The following PCSK9 variants were observed in gnomAD, a reference collection of about 807,000 sequenced individuals.
PCSK9 encodes convertase subtilisin/kexin type 9 preproprotein.
PCSK9 carries 57 observed loss-of-function variants against 62.1 expected under a neutral mutation model. The observed-to-expected ratio is 0.92, with a 90% CI of 0.74 to 1.14. The LOEUF (loss-of-function observed/expected upper bound fraction) is 1.14, where lower values mean the gene tolerates loss of function less well. PCSK9 is among the 50% of genes most tolerant of loss of function. PCSK9 has a pLI of 0.00. For synonymous variants in PCSK9, 387 were observed against 409.4 expected (o/e 0.95, Z 0.66); for missense variants, 870 against 959.8 (o/e 0.91, Z 1.24).
chr1:55,046,640 C>T lies in PCSK9; in HGVS notation c.517C>T (p.Pro173Ser), dbSNP rs1346692733. The T allele has an allele frequency of 5.6e-6, 9 of 1,613,736 alleles. No homozygotes were observed. The highest frequency in any genetic ancestry group is 2.2e-5 in the East Asian group (1 of 44,854). ...PPRYRADEYQ[P>S]PDGGSLVEVY... ...ACGGTACCGGGCGGATGAATACCAG[C>T]CCCCCGGTAAGACCCCCATCTGTGC... The change falls in exon 3 of 12, where the codon CCC becomes TCC. Residue 173 changes from proline (P) to serine (S), a missense_variant. Pro to Ser is a moderately conservative substitution (Grantham distance 74). Coordinates refer to ENST00000302118, the MANE Select transcript of PCSK9 (RefSeq NM_174936.4).
intron 6 of PCSK9, among the ~76,000 whole-genome samples, chr1:55,057,025 T>TC (rs1312399756): frequency 1.3e-5 from 2 of 151,456 alleles, no homozygotes; most frequent in East Asian, 2.0e-4. Flanking sequence ...CCTCTCAGTT[T>TC]CCCCCCGTGG....
rs200551844 is a variant in PCSK9, at chr1:55,055,976, G to A, written c.800-17G>A. ...GCAGGTCTCCCCAAGGGGTGACCTT[G>A]GCTTTGTTCCTCCCAGGCCTGGAGT... On this transcript the variant is annotated splice_polypyrimidine_tract_variant and intron_variant, in intron 5 of 11. Coordinates refer to ENST00000302118, the MANE Select transcript of PCSK9 (RefSeq NM_174936.4). 1.0e-5 allele frequency: 16 copies of A among 1,598,780 alleles called. No individual in the cohort carries two copies. The Admixed American group carries it at 2.7e-4, about 27-fold the overall frequency.
chr1:55,053,917 C>T (rs1054646301), intron 5 of PCSK9, among the ~76,000 whole-genome samples: 2 of 152,176 alleles, frequency 1.3e-5, no homozygotes, highest in African/African-American at 4.8e-5. Context: ...GGAGAAGTCC[C>T]TTCTTTGGGG....
intron 10 of PCSK9, among the ~76,000 whole-genome samples, chr1:55,060,336 G>A (rs1195453172): frequency 6.6e-6 from 1 of 152,212 alleles, no homozygotes; most frequent in African/African-American, 2.4e-5. Flanking sequence ...GGTGGAGCAT[G>A]AGAGGTCTGG....
chr1:55,040,645 C>T lies in PCSK9; in HGVS notation c.207+601C>T, dbSNP rs145022773. Reference sequence around the variant, plus strand: ...GCTCTAGTATTCCATCTGTTTCAGCCGAAGAAAAGAACCAGCTGAAGGGGC... The same window carrying T: ...GCTCTAGTATTCCATCTGTTTCAGCTGAAGAAAAGAACCAGCTGAAGGGGC... On this transcript the variant is annotated intron_variant, in intron 1 of 11. Coordinates refer to ENST00000302118, the MANE Select transcript of PCSK9 (RefSeq NM_174936.4). This position sits in a 1 kb window ranked among gnomAD's most constrained non-coding sequence, Gnocchi z 4.1. Among the ~76,000 whole-genome samples, 11 of 152,172 alleles carry T rather than the reference C, an allele frequency of 7.2e-5. No individual in the cohort carries two copies. The East Asian group carries it at 1.4e-3, about 19-fold the overall frequency.
rs1277680499 is a variant in PCSK9, at chr1:55,059,654, G to A, written c.1672G>A (p.Val558Ile). ...TRVHCHQQGH[V>I]LTGCSSHWEV... is the part of the protein sequence containing the mutation. ...TGTCCACTGCCACCAACAGGGCCAC[G>A]TCCTCACAGGTAGGAGGCTGGGCTT... The change falls in exon 10 of 12, where the codon GTC (valine) becomes ATC (isoleucine). Residue 558 changes from valine (V) to isoleucine (I), a missense_variant. Transcript: ENST00000302118. 6.4e-6 allele frequency: 10 copies of A among 1,550,620 alleles called. No homozygotes were observed. The highest frequency in any genetic ancestry group is 2.0e-5 in the Admixed American group (1 of 51,030).
chr1:55,051,413 T>C, intron 3 of PCSK9: 1 of 337,560 alleles, frequency 3.0e-6, no homozygotes, highest in Non-Finnish European at 5.8e-6. Flanking sequence ...AGTCTTCCTT[T>C]GGCCTGGCTG....
chr1:55,051,284 T>A, intron 3 of PCSK9: 1 of 449,340 alleles, frequency 2.2e-6, no homozygotes, highest in South Asian at 1.6e-5. Context: ...GCAGTTTGAC[T>A]GACAGCCCAG....
intron 4 of PCSK9, 104 bp from the exon 5 acceptor site, chr1:55,052,546 T>C: frequency 6.2e-7 from 1 of 1,602,990 alleles, no homozygotes; most frequent in Non-Finnish European, 8.5e-7. Flanking sequence ...GTCCCCTCCC[T>C]GCCATCAGTT....
At position 55,056,052 on chromosome 1, in the gene PCSK9, C is replaced by A; in HGVS notation, c.859C>A (p.Leu287Met). 6.2e-7 allele frequency: 1 copy of A among 1,608,218 alleles called. No homozygotes were observed. The highest frequency in any genetic ancestry group is 8.5e-7 in the Non-Finnish European group (1 of 1,176,460). Residue 287 changes from leucine to methionine, a missense_variant, in exon 6 of 12, where the codon CTG becomes ATG. Transcript: ENST00000302118. ...VQPVGPLVVL[L>M]PLAGGYSRVL... ...GCCTGTGGGGCCACTGGTGGTGCTG[C>A]TGCCCCTGGCGGGTGGGTACAGCCG...
chr1:55,059,761 A>C (rs756179144), intron 10 of PCSK9, 98 bp downstream of exon 10: 1 of 1,434,800 alleles, frequency 7.0e-7, no homozygotes, highest in Non-Finnish European at 9.5e-7. Context: ...GATCCATGAG[A>C]CTCAAGCCTG....
At chr1:55,052,089 C>CT in intron 3 of PCSK9, 189 bp from the exon 4 acceptor site, 1 of 841,174 alleles carries the variant, frequency 1.2e-6, no homozygotes, top group Non-Finnish European at 1.9e-6. Flanking sequence ...CTAGGCCTCC[C>CT]TTTCCTTGTC....
intron 6 of PCSK9, 84 bp from the exon 7 acceptor site, chr1:55,057,246 CA>C: frequency 6.7e-7 from 1 of 1,498,330 alleles, no homozygotes; most frequent in South Asian, 1.1e-5. Flanking sequence ...AGCAGTTGTC[CA>C]GCCCAGCTGG....
chr1:55,055,636 G>A (rs1644708719), intron 5 of PCSK9, among the ~76,000 whole-genome samples: 1 of 152,130 alleles, frequency 6.6e-6, no homozygotes, highest in East Asian at 1.9e-4. Flanking sequence ...CGCAGGGCAG[G>A]CCAGGCAGGC....
chr1:55,046,182 A>G (rs1373476713), intron 2 of PCSK9, among the ~76,000 whole-genome samples: 1 of 152,218 alleles, frequency 6.6e-6, no homozygotes, highest in East Asian at 1.9e-4. Flanking sequence ...TGATTTAGGC[A>G]TGGAGTCCAG....
chr1:55,054,502 G>A (rs1230266257), intron 5 of PCSK9, among the ~76,000 whole-genome samples: 3 of 152,210 alleles, frequency 2.0e-5, no homozygotes, highest in African/African-American at 7.2e-5. Flanking sequence ...CTGTCTCCTA[G>A]GAGGAGCATG....
At chr1:55,056,927 C>G (rs1384444962) in intron 6 of PCSK9, among the ~76,000 whole-genome samples, 1 of 14,378 alleles carries the variant, frequency 7.0e-5, no homozygotes, top group Non-Finnish European at 1.4e-3. Context: ...ACAGCGGTAA[C>G]CTAGGTCCCC....
chr1:55,060,015 G>A (rs1282787053), intron 10 of PCSK9, among the ~76,000 whole-genome samples: 1 of 151,880 alleles, frequency 6.6e-6, no homozygotes, highest in African/African-American at 2.4e-5. Flanking sequence ...GGGGCTGAAA[G>A]GAGGGCAGAC....
chr1:55,052,572 A>T, intron 4 of PCSK9, 78 bp from the exon 5 acceptor site: 1 of 1,605,182 alleles, frequency 6.2e-7, no homozygotes. Flanking sequence ...AAGGGCGTTC[A>T]TCCATCCAGC....
Sources: allele counts gnomAD v4.1 joint callset (sites outside exome capture counted in the v4.1 genomes callset), GRCh38; gene constraint gnomAD v4.1.1; non-coding constraint Gnocchi (gnomAD v3.1); transcripts MANE v1.5; gene names NCBI Gene and HGNC (gene_info 2026-07-23, HGNC 2026-07-21).